The following AFF3 variants were observed in gnomAD, a reference collection of about 807,000 sequenced individuals.
The protein encoded by AFF3 is ALF transcription elongation factor 3, also known as AF4/FMR2 family member 3.
AFF3 carries 32 observed loss-of-function variants against 129.7 expected under a neutral mutation model. The observed-to-expected ratio is 0.25, with a 90% CI of 0.19 to 0.33. The LOEUF is 0.33. Ranked by LOEUF, AFF3 falls within the 10% of genes least tolerant of loss-of-function variation. The probability of loss-of-function intolerance (pLI) is 1.00; values close to 1 mark genes in which losing one functional copy is unlikely to be tolerated. For synonymous variants in AFF3, 644 were observed against 635.4 expected (o/e 1.01, Z -0.20); for missense variants, 1,373 against 1,592.0 (o/e 0.86, Z 2.34).
At chr2:100,079,562 C>G (rs753999504) in intron 4 of AFF3, among the ~76,000 whole-genome samples, 10 of 152,188 alleles carry the variant, frequency 6.6e-5, no homozygotes, top group Non-Finnish European at 1.2e-4. Flanking sequence ...ATACACAGTT[C>G]CTGCTTAGCT....
chr2:99,980,167 T>C (rs970583378), intron 7 of AFF3, among the ~76,000 whole-genome samples: 45 of 152,222 alleles, frequency 3.0e-4, no homozygotes, highest in African/African-American at 1.0e-3. Context: ...TTCATATTCA[T>C]TGTAGTAACA....
chr2:99,731,575 T>C (rs1187366285), intron 10 of AFF3, among the ~76,000 whole-genome samples: 1 of 152,232 alleles, frequency 6.6e-6, no homozygotes, highest in Non-Finnish European at 1.5e-5. Context: ...AAAATATTCA[T>C]ACTCTGTTCA....
intron 10 of AFF3, among the ~76,000 whole-genome samples, chr2:99,739,013 A>ATTTCTT (rs375931342): frequency 7.2e-6 from 1 of 138,348 alleles, no homozygotes; most frequent in African/African-American, 2.7e-5. Context: ...GAACTGTTCA[A>ATTTCTT]TTTTTTTTTT....
intron 8 of AFF3, among the ~76,000 whole-genome samples, chr2:99,760,933 C>CTT (rs1012629210): frequency 4.8e-5 from 7 of 145,228 alleles, no homozygotes; most frequent in African/African-American, 1.5e-4. Context: ...CTTTTTTTTC[C>CTT]TTTTTTTTTT....
chr2:99,587,515 A>G (rs1323749423), intron 15 of AFF3, among the ~76,000 whole-genome samples: 1 of 152,200 alleles, frequency 6.6e-6, no homozygotes, highest in Non-Finnish European at 1.5e-5. Flanking sequence ...GCACGACGCC[A>G]TGATTCAACA....
chr2:100,053,756 C>A (rs1686542680), intron 4 of AFF3, among the ~76,000 whole-genome samples: 1 of 152,186 alleles, frequency 6.6e-6, no homozygotes, highest in Non-Finnish European at 1.5e-5. Flanking sequence ...TTATTCACGC[C>A]AGCATGAAAT....
At chr2:100,077,851 TTTTA>T (rs1688702961) in intron 4 of AFF3, among the ~76,000 whole-genome samples, 1 of 152,120 alleles carries the variant, frequency 6.6e-6, no homozygotes, top group African/African-American at 2.4e-5. Context: ...AAGCCTCTAA[TTTTA>T]TCCAAGAGGG....
chr2:99,879,132 G>A (rs554756603), intron 7 of AFF3, among the ~76,000 whole-genome samples: 21 of 152,260 alleles, frequency 1.4e-4, no homozygotes, highest in Non-Finnish European at 2.5e-4. Flanking sequence ...CATAAAGCAC[G>A]CAGTTCTAAA....
intron 13 of AFF3, among the ~76,000 whole-genome samples, chr2:99,616,050 G>T (rs1681393511): frequency 6.6e-6 from 1 of 152,196 alleles, no homozygotes. Context: ...TTATAGAGGT[G>T]AAATCATGTT....
intron 7 of AFF3, among the ~76,000 whole-genome samples, chr2:99,873,399 C>A (rs1269130251): frequency 7.0e-6 from 1 of 143,504 alleles, no homozygotes; most frequent in Non-Finnish European, 1.6e-5. Context: ...AAAAGACAAA[C>A]AACATTTTTG....
intron 14 of AFF3, among the ~76,000 whole-genome samples, chr2:99,599,130 C>T (rs1440686556): frequency 6.6e-6 from 1 of 152,208 alleles, no homozygotes; most frequent in Non-Finnish European, 1.5e-5. Context: ...CGAGGGGCCT[C>T]TGATAGCTGC....
intron 7 of AFF3, among the ~76,000 whole-genome samples, chr2:99,966,690 A>C: frequency 3.0e-5 from 1 of 33,728 alleles, no homozygotes; most frequent in Non-Finnish European, 5.1e-5. Flanking sequence ...ACTCCGTCTC[A>C]AAAAAAAAAA....
At chr2:99,850,537 C>CT (rs1690070222) in intron 7 of AFF3, among the ~76,000 whole-genome samples, 1 of 152,126 alleles carries the variant, frequency 6.6e-6, no homozygotes. Context: ...CCCAAAAGTT[C>CT]TTTTTCACAG....
At chr2:99,975,083 G>A (rs1678744370) in intron 7 of AFF3, among the ~76,000 whole-genome samples, 1 of 151,758 alleles carries the variant, frequency 6.6e-6, no homozygotes, top group South Asian at 2.1e-4. Context: ...CTGCTGAACT[G>A]GAATGCATTC....
chr2:99,936,702 G>C (rs1176369218), intron 7 of AFF3, among the ~76,000 whole-genome samples: 1 of 152,212 alleles, frequency 6.6e-6, no homozygotes, highest in Non-Finnish European at 1.5e-5. Flanking sequence ...CGGGCTCATG[G>C]GGAGAAATGA....
chr2:99,718,778 T>G, intron 11 of AFF3, among the ~76,000 whole-genome samples: 1 of 150,072 alleles, frequency 6.7e-6, no homozygotes, highest in Non-Finnish European at 1.5e-5. Context: ...TCAGAAGGAG[T>G]CTCACTCTGT....
rs1462855529 is a variant in AFF3 at position 100,087,014 on chromosome 2, T to A, written c.53+17388A>T. On this transcript the variant is annotated intron_variant, in intron 4 of 24. Coordinates refer to ENST00000672756, the MANE Select transcript of AFF3 (RefSeq NM_001386135.1). ...CTCAACCCTAGGGCCTTACACTTCATCAGTGACCCCCTGAATGAGGGATTC... is the reference window on the plus strand; with the variant it reads ...CTCAACCCTAGGGCCTTACACTTCAACAGTGACCCCCTGAATGAGGGATTC... 2.0e-5 allele frequency among the ~76,000 whole-genome samples: 3 copies of A among 152,332 alleles called. No homozygotes were observed. In the East Asian group the frequency reaches 5.8e-4, roughly 29 times the overall value.
At chr2:99,689,656 CAAAAAAAAAAA>C (rs60965683) in intron 11 of AFF3, among the ~76,000 whole-genome samples, 2 of 57,286 alleles carry the variant, frequency 3.5e-5, no homozygotes, top group Non-Finnish European at 6.0e-5. Flanking sequence ...TATTTAATTG[CAAAAAAAAAAA>C]AAAAAAAAAA....
At chr2:100,077,934 A>G (rs940321614) in intron 4 of AFF3, among the ~76,000 whole-genome samples, 1 of 152,168 alleles carries the variant, frequency 6.6e-6, no homozygotes, top group East Asian at 1.9e-4. Flanking sequence ...TAATGGGTGA[A>G]TTTTGCTGGC....
Sources: gnomAD v4.1 joint callset for allele counts (sites outside exome capture counted in the v4.1 genomes callset) on GRCh38, gnomAD v4.1.1 for gene constraint, MANE v1.5 for transcripts, NCBI Gene and HGNC (gene_info 2026-07-23, HGNC 2026-07-21) for gene names.